Variants in PDLIM3 observed in about 807,000 individuals in gnomAD.
PDLIM3 encodes the protein PDZ and LIM domain 3.
In PDLIM3, 36 loss-of-function variants were observed where a neutral mutation model predicts 37.3. The observed-to-expected ratio is 0.97, with a 90% CI of 0.74 to 1.28. PDLIM3 has a LOEUF of 1.28. Ranked by LOEUF, PDLIM3 falls within the 50% of genes most tolerant of loss-of-function variation. The pLI is 0.00. For synonymous variants in PDLIM3, 174 were observed against 182.4 expected (o/e 0.95, Z 0.37); for missense variants, 454 against 485.0 (o/e 0.94, Z 0.60).
In PDLIM3 at chr4:185,508,486, T is replaced by C. The variant is rs779435259; in HGVS notation, c.475A>G (p.Ile159Val). ...TPSSVSTVST[I>V]CPGDLKVAAK... ...GCAACTTTCAAGTCACCTGGGCAAA[T>C]GGTACTAACAGTACTGACAGAAGAA... The change falls in exon 5 of 8, where the codon ATT (isoleucine) becomes GTT (valine). Residue 159 changes from isoleucine to valine, a missense_variant. Ile to Val is a conservative substitution (Grantham distance 29). Transcript: ENST00000284767. 4.3e-6 allele frequency: 7 copies of C among 1,614,080 alleles called. No individual in the cohort carries two copies. The highest frequency in any genetic ancestry group is 4.2e-6 in the Non-Finnish European group (5 of 1,180,032).
chr4:185,525,084 T>A lies in PDLIM3; in HGVS notation c.181A>T (p.Thr61Ser), dbSNP rs2095730751. ...ATCCTGTCCTGCGCATCAGCATGAG[T>A]CATGGACTCTGTCCCAAAGCCGTCA... ...AIDGFGTESMTHADAQDRIKA... is the reference protein window; with the variant it reads ...AIDGFGTESMSHADAQDRIKA... The change falls in exon 2 of 8, where the codon ACT becomes TCT. Residue 61 changes from threonine to serine, a missense_variant. Physicochemically the swap from Thr to Ser is moderately conservative, Grantham distance 58. Transcript: ENST00000284767. The A allele has an allele frequency of 6.2e-7, 1 of 1,614,022 alleles. No individual in the cohort carries two copies. The highest frequency in any genetic ancestry group is 8.5e-7 in the Non-Finnish European group (1 of 1,180,004).
intron 5 of PDLIM3, among the ~76,000 whole-genome samples, chr4:185,507,576 T>C (rs2095699750): frequency 6.6e-6 from 1 of 152,182 alleles, no homozygotes; most frequent in African/African-American, 2.4e-5. Flanking sequence ...TGAAGCATTA[T>C]AATAATTTAA....
intron 3 of PDLIM3, chr4:185,516,349 TA>T (rs1397431082): frequency 1.3e-5 from 2 of 152,232 alleles, no homozygotes; most frequent in Non-Finnish European, 2.9e-5. Flanking sequence ...TTATTTGAAA[TA>T]ATACTGGAAA....
Position 185,523,424 on chromosome 4 carries a change from G to GT in PDLIM3, c.267_268insA (p.Pro90ThrfsTer5), listed in dbSNP as rs761787240. 1 of 1,608,968 alleles carries GT rather than the reference G, an allele frequency of 6.2e-7. No individual in the cohort carries two copies. The highest frequency in any genetic ancestry group is 1.7e-5 in the Admixed American group (1 of 59,994). ...GCTTTCCCATCTTCAGATACTTGTG[G>GT]AGACCATAAGTGAGTTTCTCCCCTG... On this transcript the variant is annotated frameshift_variant, in exon 3 of 8. Transcript: ENST00000284767. LOFTEE classifies it high-confidence loss of function.
chr4:185,506,494 G>T, intron 6 of PDLIM3, 28 bp downstream of exon 6: 1 of 1,613,044 alleles, frequency 6.2e-7, no homozygotes, highest in Non-Finnish European at 8.5e-7. Flanking sequence ...CTATCAATAC[G>T]TTTCAGCAGG....
At chr4:185,513,310 T>C (rs1580246940) in intron 4 of PDLIM3, 1 of 985,244 alleles carries the variant, frequency 1.0e-6, no homozygotes, top group Non-Finnish European at 1.2e-6. Flanking sequence ...GCTCTGCCTG[T>C]AGCTTCCTGA....
rs1008590934 is a variant in PDLIM3 at position 185,512,561 on chromosome 4, A to T, written c.398+1709T>A. On this transcript the variant is annotated intron_variant, in intron 4 of 7. Coordinates refer to ENST00000284767, the MANE Select transcript of PDLIM3 (RefSeq NM_014476.6). ...AGTTAAAATGAAAAATTTTTTTAAA[A>T]GGTGATTATATACCTAGGATTCTCT... 6.4e-6 allele frequency: 4 copies of T among 626,028 alleles called. No homozygotes were observed. The African/African-American group carries it at 8.0e-5, about 12-fold the overall frequency. The allele number at this position is 626,028 out of a possible 1,614,324, so 38.8% of individuals were successfully genotyped here.
chr4:185,519,674 C>G (rs145385861), intron 3 of PDLIM3, among the ~76,000 whole-genome samples: 1 of 152,062 alleles, frequency 6.6e-6, no homozygotes, highest in African/African-American at 2.4e-5. Flanking sequence ...AACCTATTCA[C>G]AGGGGAAAAA....
Position 185,506,456 on chromosome 4 carries a change from G to A in PDLIM3, c.793+66C>T, listed in dbSNP as rs774339634. On this transcript the variant is annotated intron_variant, in intron 6 of 7. Transcript: ENST00000284767. ...TTTCATTCCCAGTATGTTTGCTGTC[G>A]TCCCCGTCCCGCCCCCTGCAGTGGC... 47 of 1,596,978 alleles carry A rather than the reference G, an allele frequency of 2.9e-5. No homozygotes were observed. In the East Asian group the frequency reaches 3.1e-4, roughly 11 times the overall value.
intron 1 of PDLIM3, among the ~76,000 whole-genome samples, chr4:185,532,967 G>A (rs768669458): frequency 2.0e-5 from 3 of 152,134 alleles, no homozygotes; most frequent in Non-Finnish European, 4.4e-5. Context: ...ATTGGAACAG[G>A]TGTCCATTTT....
Position 185,502,412 on chromosome 4 carries a change from T to C in PDLIM3, c.977A>G (p.Asn326Ser). 1 of 1,614,126 alleles carries C rather than the reference T, an allele frequency of 6.2e-7. No individual in the cohort carries two copies. The highest frequency in any genetic ancestry group is 8.5e-7 in the Non-Finnish European group (1 of 1,180,026). ...ECFVCADCNL[N>S]LKQKGYFFIE... ...GAAGAAGTAGCCCTTTTGCTTGAGG[T>C]TGAGGTTGCAGTCGGCACACACGAA... The change falls in exon 8 of 8, where the codon AAC (asparagine) becomes AGC (serine). Residue 326 changes from asparagine (N) to serine (S), a missense_variant. By Grantham distance (46) the Asn-to-Ser change is conservative. Coordinates refer to ENST00000284767, the MANE Select transcript of PDLIM3 (RefSeq NM_014476.6).
rs1279390315 is a variant in PDLIM3, at chr4:185,514,597, T to G, written c.331-260A>C. 1 of 1,305,170 alleles carries G rather than the reference T, an allele frequency of 7.7e-7. No individual in the cohort carries two copies. Among genetic ancestry groups the G allele is most frequent in the African/African-American group, 1.5e-5 (1 of 66,554 alleles). The allele number at this position is 1,305,170 out of a possible 1,614,324, so 80.8% of individuals were successfully genotyped here. A position where few individuals can be genotyped will look rare whatever the true frequency, so the allele number is the denominator to read the frequency against. On this transcript the variant is annotated intron_variant, in intron 3 of 7. Transcript: ENST00000284767. The surrounding 1 kb of genome is among the most constrained non-coding windows in gnomAD (Gnocchi z 4.0). ...TTTAAAAGAGAAATCTGATAGTGCC[T>G]TCAGGAAAGTAAAAATAAAACAGCA...
intron 4 of PDLIM3, among the ~76,000 whole-genome samples, chr4:185,509,300 G>C (rs1338241359): frequency 6.6e-6 from 1 of 152,126 alleles, no homozygotes; most frequent in Non-Finnish European, 1.5e-5. Context: ...TTATCACCTT[G>C]AAATTAATGA....
intron 4 of PDLIM3, among the ~76,000 whole-genome samples, chr4:185,509,379 C>T (rs1298565162): frequency 6.6e-6 from 1 of 152,140 alleles, no homozygotes; most frequent in Non-Finnish European, 1.5e-5. Flanking sequence ...ATTTTATGCA[C>T]AATTTCAGAA....
rs145943525 is a variant in PDLIM3, at chr4:185,514,185, A to T, written c.398+85T>A. ...CGCAATGAGAAAAGCCACTCCAAAC[A>T]TCTACCAGTTACTTTTCTTGATGAT... On this transcript the variant is annotated intron_variant, in intron 4 of 7. Transcript: ENST00000284767. The surrounding 1 kb of genome is among the most constrained non-coding windows in gnomAD (Gnocchi z 4.0). 1.2e-6 allele frequency: 2 copies of T among 1,613,064 alleles called. No individual in the cohort carries two copies. The highest frequency in any genetic ancestry group is 2.7e-5 in the African/African-American group (2 of 75,052).
At position 185,530,928 on chromosome 4, in the gene PDLIM3, G is replaced by A. The variant is rs147792038; in HGVS notation, c.93+4414C>T. On this transcript the variant is annotated intron_variant, in intron 1 of 7. Transcript: ENST00000284767. ...CAAAGTGCAAGAGCGCTGTGCCCAA[G>A]TTATAAATTAAACTTTATCATAGGT... 1.9e-3 allele frequency among the ~76,000 whole-genome samples: 283 copies of A among 150,938 alleles called. 1 individual carries two copies. The highest frequency in any genetic ancestry group is 6.6e-3 in the African/African-American group (271 of 41,080).
At chr4:185,525,827 G>A (rs1228829002) in intron 1 of PDLIM3, among the ~76,000 whole-genome samples, 1 of 152,164 alleles carries the variant, frequency 6.6e-6, no homozygotes, top group Non-Finnish European at 1.5e-5. Context: ...TGAGGTGTCT[G>A]CAACCCAGAA....
chr4:185,526,224 G>C (rs1011367021), intron 1 of PDLIM3, among the ~76,000 whole-genome samples: 1 of 152,182 alleles, frequency 6.6e-6, no homozygotes, highest in Non-Finnish European at 1.5e-5. Flanking sequence ...TAACATGAGC[G>C]TACAGAACTC....
intron 1 of PDLIM3, 132 bp from the exon 2 acceptor site, chr4:185,525,303 A>G: frequency 1.1e-6 from 1 of 889,082 alleles, no homozygotes; most frequent in Non-Finnish European, 1.8e-6. Flanking sequence ...ATCTAACTAA[A>G]GATAACTCTT....
Sources: gnomAD v4.1 joint callset for allele counts (sites outside exome capture counted in the v4.1 genomes callset) on GRCh38, gnomAD v4.1.1 for gene constraint, Gnocchi (gnomAD v3.1) non-coding constraint, MANE v1.5 for transcripts, NCBI Gene and HGNC (gene_info 2026-07-23, HGNC 2026-07-21) for gene names.